Variants in MED14 observed in about 807,000 individuals in gnomAD.
The protein encoded by MED14 is mediator of RNA polymerase II transcription subunit 14.
A neutral mutation model predicts 109.0 loss-of-function variants in MED14; 8 were observed. That is an observed-to-expected ratio of 0.07 (90% CI 0.04 to 0.13). The LOEUF (loss-of-function observed/expected upper bound fraction) is 0.13. MED14 is among the 10% of genes least tolerant of loss of function. The pLI is 1.00. For missense variants in MED14, 711 were observed against 1,142.4 expected, an observed-to-expected ratio of 0.62 and a Z score of 5.44; for synonymous variants, 399 against 408.7, an observed-to-expected ratio of 0.98 and a Z score of 0.29.
chrX:40,729,482 C>T, intron 1 of MED14, 137 bp from the exon 2 acceptor site: 1 of 531,493 alleles, frequency 1.9e-6, no homozygotes, highest in South Asian at 3.6e-5. Flanking sequence ...GCTCATGTAG[C>T]TACCTACTCT....
chrX:40,669,609 G>A (rs1220647072), intron 23 of MED14, among the ~76,000 whole-genome samples: 2 of 111,976 alleles, frequency 1.8e-5, no homozygotes, highest in East Asian at 2.8e-4. Context: ...TCCACCACTC[G>A]TCACTTTCAG....
At chrX:40,661,102 T>C (rs1187393008) in intron 26 of MED14, among the ~76,000 whole-genome samples, 1 of 108,525 alleles carries the variant, frequency 9.2e-6, no homozygotes, top group East Asian at 2.9e-4. Context: ...TTGTTTGTTT[T>C]GAGAGTCTCG....
At chrX:40,702,002 G>A (rs1006761493) in intron 11 of MED14, among the ~76,000 whole-genome samples, 3 of 111,167 alleles carry the variant, frequency 2.7e-5, no homozygotes, top group African/African-American at 3.3e-5. Flanking sequence ...TTATAAGAAC[G>A]GATGCCAGAG....
intron 3 of MED14, 158 bp downstream of exon 3, chrX:40,726,588 C>T (rs1017059936): frequency 1.4e-5 from 6 of 434,671 alleles, no homozygotes; most frequent in Non-Finnish European, 1.6e-5. Flanking sequence ...TAAACAAATA[C>T]TAAGTTTCTG....
chrX:40,713,073 G>A (rs369674654), intron 5 of MED14, 31 bp from the exon 6 acceptor site: 18 of 1,126,940 alleles, frequency 1.6e-5, no homozygotes, highest in Non-Finnish European at 1.9e-5. Flanking sequence ...AGAAAAAGAA[G>A]TGTACTTTGC....
intron 16 of MED14, among the ~76,000 whole-genome samples, chrX:40,685,500 C>T (rs978920331): frequency 2.7e-5 from 3 of 112,692 alleles, no homozygotes; most frequent in Non-Finnish European, 5.6e-5. Context: ...GCATAAGCTA[C>T]AGGAGGCAAA....
At chrX:40,685,586 T>C (rs1602463949) in intron 16 of MED14, among the ~76,000 whole-genome samples, 1 of 112,092 alleles carries the variant, frequency 8.9e-6, no homozygotes, top group Non-Finnish European at 1.9e-5. Context: ...GACTGTGACA[T>C]GAGTTCAACG....
At chrX:40,733,592 T>C (rs1265715159) in intron 1 of MED14, among the ~76,000 whole-genome samples, 1 of 111,819 alleles carries the variant, frequency 8.9e-6, no homozygotes, top group Non-Finnish European at 1.9e-5. Flanking sequence ...GGACCAGCAC[T>C]TGGTGGAAGT....
intron 13 of MED14, 79 bp from the exon 14 acceptor site, chrX:40,692,981 C>T: frequency 4.2e-6 from 3 of 706,648 alleles, no homozygotes; most frequent in Non-Finnish European, 3.8e-6. Flanking sequence ...TCAAGTAAGG[C>T]TCAGAATTAT....
intron 11 of MED14, 61 bp downstream of exon 11, chrX:40,703,378 GTTTAT>G (rs1569292400): frequency 3.1e-6 from 3 of 975,259 alleles, no homozygotes; most frequent in African/African-American, 1.9e-5. Flanking sequence ...GACAGAAAAT[GTTTAT>G]TTTGTTTTTG....
rs1170016203 is a variant in MED14, at chrX:40,735,287, T to C, written c.126A>G (p.Ala42=). ...PPGAAVAAAA[A]AAASPGYRLS... ...GCCGGTAGCCCGGGCTAGCCGCAGC[T>C]GCAGCGGCCGCCGCCACGGCGGCTC... Residue 42 remains alanine, a synonymous_variant, in exon 1 of 31, where the codon GCA becomes GCG. Transcript: ENST00000324817. 8.8e-7 allele frequency: 1 copy of C among 1,134,986 alleles called. No individual in the cohort carries two copies. 93.5% of individuals were successfully genotyped at this position (1,134,986 alleles called of 1,213,427 possible). A position where few individuals can be genotyped will look rare whatever the true frequency, so the allele number is the denominator to read the frequency against.
chrX:40,680,220 AAAC>A, intron 20 of MED14, 87 bp from the exon 21 acceptor site: 1 of 965,331 alleles, frequency 1.0e-6, no homozygotes, highest in Non-Finnish European at 1.4e-6. Flanking sequence ...GTCAAAAATG[AAAC>A]AACGTCCTTC....
intron 16 of MED14, among the ~76,000 whole-genome samples, chrX:40,684,912 G>T (rs138018169): frequency 9.0e-6 from 1 of 111,232 alleles, no homozygotes; most frequent in African/African-American, 3.3e-5. Context: ...CAAGGAATTC[G>T]TAAAATAGTT....
intron 16 of MED14, among the ~76,000 whole-genome samples, chrX:40,684,989 C>A (rs751314861): frequency 1.3e-4 from 15 of 111,800 alleles, no homozygotes; most frequent in Non-Finnish European, 1.7e-4. Context: ...ATCTTCCCAG[C>A]ATGATCATGT....
Position 40,651,635 on chromosome X carries a change from T to C in MED14, c.*171A>G, listed in dbSNP as rs1225976543. ...CTATACAAGTTCATTATACAAAAGA[T>C]GGATGATCATTTTGATGAAAGAAGT... On this transcript the variant is annotated 3_prime_UTR_variant, in exon 31 of 31. Transcript: ENST00000324817. 13 of 1,040,642 alleles carry C rather than the reference T, an allele frequency of 1.2e-5. No homozygotes were observed. Among genetic ancestry groups the C allele is most frequent in the Non-Finnish European group, 1.4e-5 (11 of 813,404 alleles). 85.8% of individuals were successfully genotyped at this position (1,040,642 alleles called of 1,213,427 possible).
In MED14 at chrX:40,735,504, A is replaced by G. The variant is rs1161666794; in HGVS notation, c.-92T>C. 1.3e-5 allele frequency: 11 copies of G among 876,796 alleles called. No homozygotes were observed. The highest frequency in any genetic ancestry group is 6.9e-4 in the Middle Eastern group (2 of 2,909). The allele number at this position is 876,796 out of a possible 1,213,427, so 72.3% of individuals were successfully genotyped here. A position where few individuals can be genotyped will look rare whatever the true frequency, so the allele number is the denominator to read the frequency against. On this transcript the variant is annotated 5_prime_UTR_variant, in exon 1 of 31. Transcript: ENST00000324817. ...TCACCGCGCCGAAACGGGAGCGGGC[A>G]GAGTCGCCACCGCCTACCGCCGGGC...
chrX:40,656,558 G>A (rs959847838), intron 28 of MED14, among the ~76,000 whole-genome samples: 1 of 112,019 alleles, frequency 8.9e-6, no homozygotes, highest in East Asian at 2.8e-4. Flanking sequence ...TATATCCTCC[G>A]ACCCAGCAAT....
intron 12 of MED14, among the ~76,000 whole-genome samples, chrX:40,697,722 A>T (rs1275297811): frequency 8.9e-6 from 1 of 111,948 alleles, no homozygotes; most frequent in East Asian, 2.8e-4. Context: ...TATGTAAAAA[A>T]GGGATAAAAT....
At chrX:40,726,449 T>C (rs1202489619) in intron 3 of MED14, 1 of 152,897 alleles carries the variant, frequency 6.5e-6, no homozygotes, top group African/African-American at 3.1e-5. Flanking sequence ...AGGGAGAACC[T>C]TGCAAATTCT....
Sources: gnomAD v4.1 joint callset for allele counts (sites outside exome capture counted in the v4.1 genomes callset) on GRCh38, gnomAD v4.1.1 for gene constraint, MANE v1.5 for transcripts, NCBI Gene and HGNC (gene_info 2026-07-23, HGNC 2026-07-21) for gene names.